FNBP4: variants seen among roughly 807,000 people sequenced by gnomAD.
The protein encoded by FNBP4 is formin binding protein 4, also known as formin-binding protein 4.
A neutral mutation model predicts 119.3 loss-of-function variants in FNBP4; 34 were observed. That is an observed-to-expected ratio of 0.28 (90% CI 0.22 to 0.38). The LOEUF (loss-of-function observed/expected upper bound fraction) is 0.38. Among genes scored for constraint, FNBP4 ranks in the 10% least tolerant of loss-of-function variants. The probability of loss-of-function intolerance (pLI) is 1.00; values close to 1 mark genes in which losing one functional copy is unlikely to be tolerated. For missense variants in FNBP4, 1,112 were observed against 1,228.9 expected, an observed-to-expected ratio of 0.90 and a Z score of 1.42; for synonymous variants, 462 against 430.6, an observed-to-expected ratio of 1.07 and a Z score of -0.90.
chr11:47,766,500 C>G (rs2135309329), intron 1 of FNBP4, among the ~76,000 whole-genome samples: 1 of 152,298 alleles, frequency 6.6e-6, no homozygotes, highest in East Asian at 1.9e-4. Flanking sequence ...CGCGGCTTCT[C>G]CGGCGCCTAG....
intron 8 of FNBP4, among the ~76,000 whole-genome samples, chr11:47,741,892 GT>G (rs1157156548): frequency 3.3e-5 from 5 of 151,882 alleles, no homozygotes; most frequent in Admixed American, 6.6e-5. Flanking sequence ...GCTCTATAGG[GT>G]TTTTTTTCAT....
Position 47,716,610 on chromosome 11 carries a change from C to CGAA in FNBP4, c.*811_*812insTTC, listed in dbSNP as rs1178643638. ...CAAAGAGCTTTAAAACACAATTTGC[C>CGAA]GTTTCCTCAGTTTAAAGTGACTTTT... is the stretch of plus-strand genomic sequence containing the variant. On this transcript the variant is annotated 3_prime_UTR_variant, in exon 17 of 17. Coordinates refer to ENST00000263773, the MANE Select transcript of FNBP4 (RefSeq NM_015308.5). 2.0e-5 allele frequency: 3 copies of CGAA among 152,548 alleles called. No homozygotes were observed. Among genetic ancestry groups the CGAA allele is most frequent in the Non-Finnish European group, 4.4e-5 (3 of 68,032 alleles). The allele number at this position is 152,548 out of a possible 1,614,324, so 9.4% of individuals were successfully genotyped here.
At chr11:47,740,875 C>A (rs1233384357) in intron 8 of FNBP4, among the ~76,000 whole-genome samples, 1 of 151,066 alleles carries the variant, frequency 6.6e-6, no homozygotes, top group Non-Finnish European at 1.5e-5. Flanking sequence ...CAGGCATGAG[C>A]CACTGCACCC....
intron 2 of FNBP4, 34 bp downstream of exon 2, chr11:47,765,236 G>C (rs2097644373): frequency 1.4e-6 from 2 of 1,424,630 alleles, no homozygotes; most frequent in Non-Finnish European, 2.0e-6. Flanking sequence ...AAAGACGTGG[G>C]AGAAAAAATG....
Position 47,732,674 on chromosome 11 carries a change from G to A in FNBP4, c.1687-4C>T. 1 of 1,613,732 alleles carries A rather than the reference G, an allele frequency of 6.2e-7. No individual in the cohort carries two copies. Among genetic ancestry groups the A allele is most frequent in the Non-Finnish European group, 8.5e-7 (1 of 1,179,666 alleles). On this transcript the variant is annotated splice_region_variant and splice_polypyrimidine_tract_variant and intron_variant, in intron 10 of 16. Transcript: ENST00000263773. The surrounding 1 kb of genome is among the most constrained non-coding windows in gnomAD (Gnocchi z 4.2). ...CCCGCCAGTCTGCAATTCGAGTCTA[G>A]AATAAACAGACAAATAAGTTAAAGA...
chr11:47,744,340 C>T (rs2097586351), intron 7 of FNBP4, among the ~76,000 whole-genome samples, 177 bp from the exon 8 acceptor site: 1 of 151,972 alleles, frequency 6.6e-6, no homozygotes, highest in Non-Finnish European at 1.5e-5. Flanking sequence ...GTGGCATGAT[C>T]ATGGCTCGCT....
At chr11:47,751,440 TGGA>T (rs902945957) in intron 4 of FNBP4, 150 bp from the exon 5 acceptor site, 1 of 841,848 alleles carries the variant, frequency 1.2e-6, no homozygotes, top group African/African-American at 1.7e-5. Flanking sequence ...CAATCCTATG[TGGA>T]GGTTTTAGCA....
chr11:47,732,309 C>T lies in FNBP4; in HGVS notation c.1820+228G>A. The T allele has an allele frequency of 7.1e-7, 1 of 1,399,976 alleles. No individual in the cohort carries two copies. Among genetic ancestry groups the T allele is most frequent in the East Asian group, 2.7e-5 (1 of 36,788 alleles). 86.7% of individuals were successfully genotyped at this position (1,399,976 alleles called of 1,614,324 possible). On this transcript the variant is annotated intron_variant, in intron 11 of 16. Coordinates refer to ENST00000263773, the MANE Select transcript of FNBP4 (RefSeq NM_015308.5). This position sits in a 1 kb window ranked among gnomAD's most constrained non-coding sequence, Gnocchi z 4.2. ...TCTGGAGAGTAAAAACCAGCTTTGT[C>T]CATATCTTGGGAAAAAATCCGTTAC... is the stretch of plus-strand genomic sequence containing the variant.
intron 7 of FNBP4, 141 bp downstream of exon 7, chr11:47,745,915 T>C (rs1238233577): frequency 7.2e-6 from 5 of 698,006 alleles, no homozygotes; most frequent in African/African-American, 1.8e-5. Context: ...AGTTTAAAGT[T>C]TTTGCTGCAT....
chr11:47,739,730 C>T (rs2097579114), intron 8 of FNBP4, among the ~76,000 whole-genome samples: 2 of 152,168 alleles, frequency 1.3e-5, no homozygotes, highest in Non-Finnish European at 2.9e-5. Flanking sequence ...TTCAAAGCTG[C>T]ATTATGATTA....
At chr11:47,734,157 A>T in intron 9 of FNBP4, 28 bp from the exon 10 acceptor site, 1 of 1,276,368 alleles carries the variant, frequency 7.8e-7, no homozygotes, top group Non-Finnish European at 1.1e-6. Context: ...AAAAAAGTAA[A>T]ACTAGAATCC....
chr11:47,736,889 C>A, intron 8 of FNBP4, 149 bp from the exon 9 acceptor site: 1 of 773,900 alleles, frequency 1.3e-6, no homozygotes, highest in South Asian at 1.8e-5. Context: ...TCAAACATGT[C>A]AGCCTACTGT....
intron 6 of FNBP4, among the ~76,000 whole-genome samples, chr11:47,747,330 G>C (rs2097592517): frequency 1.3e-5 from 2 of 152,104 alleles, no homozygotes; most frequent in Admixed American, 1.3e-4. Context: ...TCAGCCTCCT[G>C]AGCAGCTGGG....
chr11:47,731,637 G>A, intron 11 of FNBP4, 76 bp from the exon 12 acceptor site: 2 of 1,523,120 alleles, frequency 1.3e-6, no homozygotes, highest in Admixed American at 2.2e-5. Context: ...TCCTGTCCCA[G>A]GACAGCAGTC....
chr11:47,718,469 C>T (rs938633236), intron 16 of FNBP4, among the ~76,000 whole-genome samples: 3 of 152,130 alleles, frequency 2.0e-5, no homozygotes, highest in Admixed American at 2.0e-4. Context: ...ACCTCGGCTT[C>T]CCAAAGTGCT....
chr11:47,737,606 G>A (rs1002838686), intron 8 of FNBP4, among the ~76,000 whole-genome samples: 1 of 151,104 alleles, frequency 6.6e-6, no homozygotes, highest in Admixed American at 6.6e-5. Context: ...TGTTCAGCTA[G>A]TTTTTGTATT....
chr11:47,749,397 A>C (rs2097597294), intron 6 of FNBP4, among the ~76,000 whole-genome samples: 1 of 152,044 alleles, frequency 6.6e-6, no homozygotes, highest in African/African-American at 2.4e-5. Context: ...CCTCGTCTCT[A>C]CTAAAAAAAA....
rs767618726 is a variant in FNBP4, at chr11:47,765,305, A to G, written c.278T>C (p.Val93Ala). 1 of 1,612,816 alleles carries G rather than the reference A, an allele frequency of 6.2e-7. No individual in the cohort carries two copies. The highest frequency in any genetic ancestry group is 1.3e-5 in the African/African-American group (1 of 74,796). ...AACAGCTGTGGGTCTAGTGGTCATG[A>G]CTGGTTTTGGAGGATTCTGAACAAC... ...PRVVQNPPKP[V>A]MTTRPTAVKA... The change falls in exon 2 of 17, where the codon GTC (valine) becomes GCC (alanine). Residue 93 changes from valine (V) to alanine (A), a missense_variant. Physicochemically the swap from Val to Ala is moderately conservative, Grantham distance 64. Transcript: ENST00000263773.
intron 12 of FNBP4, chr11:47,729,735 C>G (rs2097565308): frequency 1.0e-6 from 1 of 985,274 alleles, no homozygotes; most frequent in Admixed American, 6.2e-5. Context: ...TGTTTTTTCT[C>G]TTCTTTAAAA....
Sources: gnomAD v4.1 joint callset for allele counts (sites outside exome capture counted in the v4.1 genomes callset) on GRCh38, gnomAD v4.1.1 for gene constraint, Gnocchi (gnomAD v3.1) non-coding constraint, MANE v1.5 for transcripts, NCBI Gene and HGNC (gene_info 2026-07-23, HGNC 2026-07-21) for gene names.